The following GPR161 variants were observed in gnomAD, a reference collection of about 807,000 sequenced individuals.
GPR161 encodes the protein G-protein coupled receptor RE2.
In GPR161, 25 loss-of-function variants were observed where a neutral mutation model predicts 39.2. The observed-to-expected ratio is 0.64, with a 90% CI of 0.47 to 0.89. The LOEUF (loss-of-function observed/expected upper bound fraction) is 0.89. Among genes scored for constraint, GPR161 ranks in the 40% least tolerant of loss-of-function variants. The pLI is 0.00. For synonymous variants in GPR161, 286 were observed against 276.6 expected (o/e 1.03, Z -0.34); for missense variants, 547 against 677.8 (o/e 0.81, Z 2.14).
chr1:168,121,611 A>G (rs538462087), intron 1 of GPR161, among the ~76,000 whole-genome samples: 4 of 152,232 alleles, frequency 2.6e-5, no homozygotes, highest in Non-Finnish European at 4.4e-5. Flanking sequence ...TCAGGCCCCA[A>G]GAGTTAAGTG....
At position 168,085,700 on chromosome 1, in the gene GPR161, G is replaced by C. The variant is rs749174723; in HGVS notation, c.1421C>G (p.Ala474Gly). The change falls in exon 6 of 6, where the codon GCC becomes GGC. Residue 474 changes from alanine (A) to glycine (G), a missense_variant. Ala to Gly is a moderately conservative substitution (Grantham distance 60, BLOSUM62 0). Coordinates refer to ENST00000682931, the MANE Select transcript of GPR161 (RefSeq NM_001375883.1). ...CTCCTCCCCAAATAAGTTGATTTTG[G>C]CTTCGGCCTCAATGGCTTTGGCCAA... ...ASLAKAIEAE[A>G]KINLFGEEAL... 7 of 1,614,218 alleles carry C rather than the reference G, an allele frequency of 4.3e-6. No individual in the cohort carries two copies. The highest frequency in any genetic ancestry group is 4.2e-6 in the Non-Finnish European group (5 of 1,180,030).
rs1695591688 is a variant in GPR161, at chr1:168,096,803, G to C, written c.804C>G (p.Ala268=). The change falls in exon 3 of 6, where the codon GCC becomes GCG. Residue 268 remains alanine, a synonymous_variant. Coordinates refer to ENST00000682931, the MANE Select transcript of GPR161 (RefSeq NM_001375883.1). ...CGAGGACCACCAGGATGGTGATGAG[G>C]GCTTTGCACTGGTTGGCCGAGTAGA... ...GVVYSANQCK[A]LITILVVLGA... The C allele has an allele frequency of 6.2e-7, 1 of 1,613,858 alleles. No homozygotes were observed. Among genetic ancestry groups the C allele is most frequent in the South Asian group, 1.1e-5 (1 of 91,066 alleles).
intron 2 of GPR161, among the ~76,000 whole-genome samples, chr1:168,099,826 GT>G (rs145646926): frequency 0.023 from 2,201 of 96,896 alleles, 78 homozygotes; most frequent in African/African-American, 0.087. Context: ...TTGTTTTTAA[GT>G]TTTTTTTTTG....
At chr1:168,135,982 C>T (rs1699326782) in intron 1 of GPR161, 1 of 1,171,432 alleles carries the variant, frequency 8.5e-7, no homozygotes, top group Non-Finnish European at 1.1e-6. Context: ...AGCAGACCTC[C>T]GGGAAGCACA....
chr1:168,119,326 T>C (rs1223571585), intron 1 of GPR161, among the ~76,000 whole-genome samples: 1 of 146,650 alleles, frequency 6.8e-6, no homozygotes, highest in Non-Finnish European at 1.5e-5. Context: ...TATTCAGCCT[T>C]AGAAAAGGAA....
chr1:168,117,960 G>A (rs1367830909), intron 1 of GPR161, among the ~76,000 whole-genome samples: 1 of 150,648 alleles, frequency 6.6e-6, no homozygotes, highest in Non-Finnish European at 1.5e-5. Flanking sequence ...GACCTATGGG[G>A]CTAATAATTT....
At position 168,136,724 on chromosome 1, in the gene GPR161, A is replaced by C; in HGVS notation, c.-45+15T>G. On this transcript the variant is annotated intron_variant, in intron 1 of 5. Transcript: ENST00000682931. ...CCGCCCGGGCCCGCGCCCGCGCCCC[A>C]CGCCGGGTGCTCACCGAGGAGCGGC... 9.9e-7 allele frequency: 1 copy of C among 1,009,910 alleles called. No homozygotes were observed. Among genetic ancestry groups the C allele is most frequent in the Non-Finnish European group, 1.2e-6 (1 of 849,998 alleles). The allele number at this position is 1,009,910 out of a possible 1,614,324, so 62.6% of individuals were successfully genotyped here.
At chr1:168,136,583 G>A (rs1436639300) in intron 1 of GPR161, 156 bp downstream of exon 1, 8 of 1,236,456 alleles carry the variant, frequency 6.5e-6, no homozygotes, top group East Asian at 3.2e-5. Context: ...CCTGACCTCC[G>A]AGAGGGGCGC....
intron 1 of GPR161, among the ~76,000 whole-genome samples, chr1:168,108,952 C>A (rs1030339253): frequency 6.6e-6 from 1 of 152,062 alleles, no homozygotes; most frequent in Admixed American, 6.5e-5. Flanking sequence ...GGGAGATAAA[C>A]GATACAAATT....
chr1:168,124,132 A>G (rs1698415524), intron 1 of GPR161, among the ~76,000 whole-genome samples: 2 of 151,918 alleles, frequency 1.3e-5, no homozygotes, highest in Non-Finnish European at 2.9e-5. Context: ...TCTCCCATCC[A>G]CCCTGTCCCA....
At chr1:168,127,743 G>A (rs868307370) in intron 1 of GPR161, among the ~76,000 whole-genome samples, 47 of 152,050 alleles carry the variant, frequency 3.1e-4, no homozygotes, top group African/African-American at 1.1e-3. Context: ...AGACCCACCC[G>A]CTCCCATAAT....
rs367790399 is a variant in GPR161 at position 168,085,725 on chromosome 1, A to G, written c.1396T>C (p.Leu466=). The change falls in exon 6 of 6, where the codon TTG becomes CTG. Residue 466 remains leucine (L), a synonymous_variant. Transcript: ENST00000682931. ...GCTTCGGCCTCAATGGCTTTGGCCA[A>G]GCTTGCTGCGTAACTGTCCAAGGAC... ...HKSLDSYAAS[L]AKAIEAEAKI... 2,234 of 1,614,254 alleles carry G rather than the reference A, an allele frequency of 1.4e-3. 48 individuals are homozygous for G. In the South Asian group the frequency reaches 0.022, roughly 16 times the overall value.
intron 2 of GPR161, among the ~76,000 whole-genome samples, chr1:168,101,104 GTT>G (rs1696056449): frequency 7.8e-6 from 1 of 128,674 alleles, no homozygotes; most frequent in African/African-American, 3.4e-5. Flanking sequence ...TGTCCAGCCA[GTT>G]TCTTTTTTTT....
At chr1:168,121,498 T>C (rs747788405) in intron 1 of GPR161, among the ~76,000 whole-genome samples, 2 of 152,116 alleles carry the variant, frequency 1.3e-5, no homozygotes, top group Admixed American at 6.5e-5. Flanking sequence ...CCCCTTCATG[T>C]TTCCCAGTCA....
rs1374574553 is a variant in GPR161, at chr1:168,090,610, G to A, written c.1158C>T (p.His386=). Residue 386 remains histidine, a synonymous_variant, in exon 4 of 6, where the codon CAC becomes CAT. Coordinates refer to ENST00000682931, the MANE Select transcript of GPR161 (RefSeq NM_001375883.1). ...AGCCAGTGTCCCCCGTGCTGCTGCT[G>A]TGCCCCAGGGGCTGTCCACCTGCCA... ...ALMAGGQPLG[H]SSSTGDTGFS... is the part of the protein sequence containing the mutation. 1 of 1,612,516 alleles carries A rather than the reference G, an allele frequency of 6.2e-7. No homozygotes were observed. Among genetic ancestry groups the A allele is most frequent in the Non-Finnish European group, 8.5e-7 (1 of 1,178,968 alleles).
chr1:168,099,615 T>C (rs1323269842), intron 2 of GPR161, among the ~76,000 whole-genome samples: 1 of 152,166 alleles, frequency 6.6e-6, no homozygotes, highest in Non-Finnish European at 1.5e-5. Context: ...ATGGTACCCA[T>C]ATCACTCACT....
intron 2 of GPR161, among the ~76,000 whole-genome samples, chr1:168,102,537 CT>C (rs1266824590): frequency 6.6e-6 from 1 of 152,162 alleles, no homozygotes; most frequent in Non-Finnish European, 1.5e-5. Flanking sequence ...AAATAAGGCC[CT>C]GAAAGAGGTA....
At chr1:168,131,939 A>G (rs1699020130) in intron 1 of GPR161, among the ~76,000 whole-genome samples, 1 of 152,264 alleles carries the variant, frequency 6.6e-6, no homozygotes, top group Non-Finnish European at 1.5e-5. Context: ...ATCAATTTAG[A>G]GTAAACTTGG....
intron 2 of GPR161, 30 bp from the exon 3 acceptor site, chr1:168,097,262 G>A: frequency 1.3e-6 from 2 of 1,585,094 alleles, no homozygotes. Context: ...AGGCAAGAGA[G>A]AGAAGTCAGC....
Sources: gnomAD v4.1 joint callset for allele counts (sites outside exome capture counted in the v4.1 genomes callset) on GRCh38, gnomAD v4.1.1 for gene constraint, MANE v1.5 for transcripts, NCBI Gene and HGNC (gene_info 2026-07-23, HGNC 2026-07-21) for gene names.